CNTN1: variants seen among roughly 807,000 people sequenced by gnomAD.
CNTN1 encodes contactin 1, also known as contactin-1.
CNTN1 carries 38 observed loss-of-function variants against 126.4 expected under a neutral mutation model. The observed-to-expected ratio is 0.30, with a 90% CI of 0.23 to 0.39. The LOEUF is 0.39. Among genes scored for constraint, CNTN1 ranks in the 10% least tolerant of loss-of-function variants. The pLI, the probability that CNTN1 is intolerant of heterozygous loss-of-function variation, is 1.00. For missense variants in CNTN1, 1,009 were observed against 1,248.4 expected, an observed-to-expected ratio of 0.81 and a Z score of 2.89; for synonymous variants, 413 against 422.6, an observed-to-expected ratio of 0.98 and a Z score of 0.28.
chr12:40,889,827 T>C (rs1944179583), intron 1 of CNTN1, among the ~76,000 whole-genome samples: 1 of 152,182 alleles, frequency 6.6e-6, no homozygotes, highest in Non-Finnish European at 1.5e-5. Flanking sequence ...CTGCCATTTA[T>C]TATCATTGGC....
chr12:40,811,161 A>T (rs1032302424), intron 1 of CNTN1, among the ~76,000 whole-genome samples: 3 of 152,244 alleles, frequency 2.0e-5, no homozygotes, highest in South Asian at 2.1e-4. Flanking sequence ...TTTCTTCAAG[A>T]CAGTGATTAA....
intron 6 of CNTN1, among the ~76,000 whole-genome samples, chr12:40,925,314 C>A (rs531787951): frequency 6.6e-6 from 1 of 151,612 alleles, no homozygotes; most frequent in Non-Finnish European, 1.5e-5. Context: ...TATATAAATA[C>A]CTGTTTTCAC....
At chr12:40,930,023 A>C (rs559563371) in intron 7 of CNTN1, 21 bp downstream of exon 7, 1 of 1,575,922 alleles carries the variant, frequency 6.3e-7, no homozygotes, top group Non-Finnish European at 8.7e-7. Context: ...TATTTGTTAC[A>C]CTCTGTTTTC....
intron 19 of CNTN1, among the ~76,000 whole-genome samples, chr12:41,019,343 T>C (rs1948855520): frequency 2.0e-5 from 3 of 152,252 alleles, no homozygotes; most frequent in Admixed American, 2.0e-4. Flanking sequence ...TATTTAGTCA[T>C]GGCTATTTGT....
At chr12:40,913,504 G>A (rs773032607) in intron 3 of CNTN1, among the ~76,000 whole-genome samples, 5 of 152,030 alleles carry the variant, frequency 3.3e-5, no homozygotes, top group African/African-American at 4.8e-5. Context: ...ATTTTTCCTA[G>A]GACTCTTCTT....
chr12:40,971,641 C>T (rs1947516058), intron 15 of CNTN1: 1 of 1,477,708 alleles, frequency 6.8e-7, no homozygotes, highest in Non-Finnish European at 8.9e-7. Context: ...AGTATGTTTC[C>T]CCTTTTGAAA....
In CNTN1 at chr12:40,933,454, A is replaced by G; in HGVS notation, c.704-7A>G. On this transcript the variant is annotated splice_region_variant and splice_polypyrimidine_tract_variant and intron_variant, in intron 7 of 23. Transcript: ENST00000551295. ...TTAGTGGATATTTGTGTTTCTCTTA[A>G]TATTAGGAACAACAAAACCATATCC... is the stretch of plus-strand genomic sequence containing the variant. 1.3e-6 allele frequency: 2 copies of G among 1,567,848 alleles called. No individual in the cohort carries two copies. Among genetic ancestry groups the G allele is most frequent in the Non-Finnish European group, 1.8e-6 (2 of 1,138,256 alleles).
intron 1 of CNTN1, among the ~76,000 whole-genome samples, chr12:40,849,824 T>C (rs540794129): frequency 4.5e-4 from 68 of 152,194 alleles, no homozygotes; most frequent in African/African-American, 1.6e-3. Context: ...AAAGACTCTT[T>C]TTTTAAAGCC....
intron 1 of CNTN1, among the ~76,000 whole-genome samples, chr12:40,891,291 A>T (rs1003104516): frequency 2.0e-5 from 3 of 152,094 alleles, no homozygotes; most frequent in African/African-American, 7.2e-5. Flanking sequence ...TTTCACAAAT[A>T]TTTGTCCCTG....
chr12:41,069,893 A>C (rs547288825), intron 23 of CNTN1, 66 bp from the exon 24 acceptor site: 2 of 1,311,712 alleles, frequency 1.5e-6, no homozygotes, highest in East Asian at 4.6e-5. Context: ...TAGCTGAAGC[A>C]GACTAAATGA....
At chr12:40,802,550 G>A (rs1322252923) in intron 1 of CNTN1, among the ~76,000 whole-genome samples, 1 of 151,838 alleles carries the variant, frequency 6.6e-6, no homozygotes, top group African/African-American at 2.4e-5. Flanking sequence ...ATTATTAACT[G>A]AAGAAAAATG....
intron 23 of CNTN1, among the ~76,000 whole-genome samples, chr12:41,047,035 G>A (rs1949556548): frequency 6.6e-6 from 1 of 151,480 alleles, no homozygotes; most frequent in South Asian, 2.1e-4. Flanking sequence ...CATTTTATGT[G>A]TCCACATCCA....
At chr12:40,981,952 A>T (rs1947832179) in intron 16 of CNTN1, among the ~76,000 whole-genome samples, 1 of 151,524 alleles carries the variant, frequency 6.6e-6, no homozygotes, top group Admixed American at 6.6e-5. Flanking sequence ...AAAAAAAAAA[A>T]TACTCTAATC....
chr12:40,847,035 A>G (rs999119956), intron 1 of CNTN1, among the ~76,000 whole-genome samples: 8 of 151,598 alleles, frequency 5.3e-5, no homozygotes, highest in African/African-American at 1.9e-4. Context: ...GCCCGGCTAA[A>G]TTTTGTATTT....
rs1944545604 is a variant in CNTN1 at position 40,899,846 on chromosome 12, A to G, written c.-76-8511A>G. 2.0e-5 allele frequency among the ~76,000 whole-genome samples: 3 copies of G among 152,310 alleles called. No homozygotes were observed. In the South Asian group the frequency reaches 6.2e-4, roughly 32 times the overall value. ...TTGGACCACAGTTTGGGAAACACTGACTTATTGTTATGAAAAATATGTTAA... is the reference window on the plus strand; with the variant it reads ...TTGGACCACAGTTTGGGAAACACTGGCTTATTGTTATGAAAAATATGTTAA... On this transcript the variant is annotated intron_variant, in intron 1 of 23. Coordinates refer to ENST00000551295, the MANE Select transcript of CNTN1 (RefSeq NM_001843.4).
intron 1 of CNTN1, among the ~76,000 whole-genome samples, chr12:40,879,114 T>C (rs1943785425): frequency 6.6e-6 from 1 of 152,174 alleles, no homozygotes; most frequent in South Asian, 2.1e-4. Context: ...TTGGCTCATG[T>C]GCAAGAACTA....
chr12:40,918,480 C>G (rs1406587804), intron 3 of CNTN1, among the ~76,000 whole-genome samples, 159 bp from the exon 4 acceptor site: 1 of 151,920 alleles, frequency 6.6e-6, no homozygotes, highest in Non-Finnish European at 1.5e-5. Flanking sequence ...AATGAAGAAC[C>G]TGATGTTTGG....
At chr12:40,966,038 A>G (rs994354374) in intron 15 of CNTN1, among the ~76,000 whole-genome samples, 40 of 147,922 alleles carry the variant, frequency 2.7e-4, no homozygotes, top group African/African-American at 9.2e-4. Flanking sequence ...ACACACACAC[A>G]CGCACGCATT....
At chr12:40,887,281 C>G (rs1483794889) in intron 1 of CNTN1, among the ~76,000 whole-genome samples, 2 of 152,062 alleles carry the variant, frequency 1.3e-5, no homozygotes, top group Non-Finnish European at 2.9e-5. Context: ...AGAGGTCCTT[C>G]ATGTCCCTTG....
Sources: allele counts gnomAD v4.1 joint callset (sites outside exome capture counted in the v4.1 genomes callset), GRCh38; gene constraint gnomAD v4.1.1; transcripts MANE v1.5; gene names NCBI Gene and HGNC (gene_info 2026-07-23, HGNC 2026-07-21).